CELF2: variants seen among roughly 807,000 people sequenced by gnomAD.
CELF2 encodes the protein CUGBP Elav-like family member 2, also known as CUG triplet repeat RNA-binding protein 2.
A neutral mutation model predicts 62.6 loss-of-function variants in CELF2; 8 were observed. The ratio of observed to expected loss-of-function variants is 0.13; its 90% confidence interval spans 0.07 to 0.23. The LOEUF (loss-of-function observed/expected upper bound fraction) is 0.23, where lower values mean the gene tolerates loss of function less well. CELF2 is among the 10% of genes least tolerant of loss of function. The pLI is 1.00. For synonymous variants in CELF2, 258 were observed against 250.0 expected (o/e 1.03, Z -0.30); for missense variants, 333 against 671.0 (o/e 0.50, Z 5.56).
intron 1 of CELF2, among the ~76,000 whole-genome samples, chr10:11,087,679 A>C (rs1303388296): frequency 6.6e-6 from 1 of 152,214 alleles, no homozygotes; most frequent in Non-Finnish European, 1.5e-5. Flanking sequence ...AGCCTATCAC[A>C]ACAACACATA....
In CELF2 at chr10:11,160,551, GTA is replaced by G. The variant is rs371230069; in HGVS notation, c.75-4933_75-4932del. On this transcript the variant is annotated intron_variant, in intron 1 of 12. Transcript: ENST00000633077. ...AATTCCTTAGTTGCATTAGCCACAT[GTA>G]TCTAGTGGCCACCATATTGGACTGT... is the stretch of plus-strand genomic sequence containing the variant. Among the ~76,000 whole-genome samples, 62 of 149,998 alleles carry G rather than the reference GTA, an allele frequency of 4.1e-4. No individual in the cohort carries two copies. In the East Asian group the frequency reaches 0.011, roughly 26 times the overall value.
chr10:10,662,592 C>T, the CELF2 span, among the ~76,000 whole-genome samples: 2 of 152,244 alleles, frequency 1.3e-5, no homozygotes, highest in East Asian at 3.9e-4. Flanking sequence ...AATTTGTGTG[C>T]CTAAGAAGTC....
rs375181854 is a variant in CELF2, at chr10:11,288,561, G to T, written c.976+9G>T. ...AGCCCTCACGAGTCCCGGTGAGTGT[G>T]GGGGGTGCTCTTCCCTTGCAGGTGA... is the stretch of plus-strand genomic sequence containing the variant. On this transcript the variant is annotated intron_variant, in intron 9 of 12. Coordinates refer to ENST00000633077, the MANE Select transcript of CELF2 (RefSeq NM_001326342.2). 3.7e-6 allele frequency: 6 copies of T among 1,612,892 alleles called. No individual in the cohort carries two copies. Among genetic ancestry groups the T allele is most frequent in the African/African-American group, 2.7e-5 (2 of 74,898 alleles).
the CELF2 span, among the ~76,000 whole-genome samples, chr10:10,737,527 A>G: frequency 6.6e-6 from 1 of 152,092 alleles, no homozygotes; most frequent in Non-Finnish European, 1.5e-5. Context: ...CAATGCCCAT[A>G]CTATGGACAG....
chr10:10,716,190 C>T, the CELF2 span, among the ~76,000 whole-genome samples: 1 of 152,138 alleles, frequency 6.6e-6, no homozygotes, highest in Admixed American at 6.5e-5. Flanking sequence ...TGTTAATATC[C>T]TAAAGACATG....
the CELF2 span, among the ~76,000 whole-genome samples, chr10:10,484,935 G>T: frequency 6.6e-6 from 1 of 152,038 alleles, no homozygotes; most frequent in East Asian, 1.9e-4. Context: ...CCCTTTTGTT[G>T]AATTTCTCTT....
At chr10:11,292,231 G>A (rs2092620713) in intron 9 of CELF2, among the ~76,000 whole-genome samples, 1 of 152,210 alleles carries the variant, frequency 6.6e-6, no homozygotes, top group Non-Finnish European at 1.5e-5. Context: ...CAAGGAAATG[G>A]TGACACTTCC....
chr10:11,158,526 G>C (rs1004066235), intron 1 of CELF2, among the ~76,000 whole-genome samples: 1 of 152,074 alleles, frequency 6.6e-6, no homozygotes, highest in African/African-American at 2.4e-5. Context: ...TGAGTTGCCT[G>C]GGTGAGGGCT....
At chr10:10,685,478 T>G in the CELF2 span, among the ~76,000 whole-genome samples, 1 of 152,202 alleles carries the variant, frequency 6.6e-6, no homozygotes, top group Admixed American at 6.5e-5. Flanking sequence ...TAACTTATAA[T>G]GACAATGGCA....
At chr10:11,090,009 C>T (rs1265048271) in intron 1 of CELF2, among the ~76,000 whole-genome samples, 1 of 151,998 alleles carries the variant, frequency 6.6e-6, no homozygotes, top group Non-Finnish European at 1.5e-5. Flanking sequence ...ACCATAGACA[C>T]CAGGAACTCC....
the CELF2 span, among the ~76,000 whole-genome samples, chr10:10,660,406 T>G: frequency 1.3e-3 from 202 of 152,312 alleles, no homozygotes; most frequent in Non-Finnish European, 2.0e-3. Context: ...GTGTTCACCT[T>G]TCAGCAAGCC....
At chr10:10,563,602 T>C in the CELF2 span, among the ~76,000 whole-genome samples, 1 of 119,510 alleles carries the variant, frequency 8.4e-6, no homozygotes, top group African/African-American at 3.7e-5. Flanking sequence ...AGGGAGACTG[T>C]GTCTCAAAAA....
chr10:10,800,662 A>G (rs1346514597), intron 1 of CELF2, among the ~76,000 whole-genome samples: 1 of 152,166 alleles, frequency 6.6e-6, no homozygotes, highest in African/African-American at 2.4e-5. Flanking sequence ...CATAATGAAC[A>G]TCTTTGTGTA....
the CELF2 span, among the ~76,000 whole-genome samples, chr10:10,543,075 C>T: frequency 6.6e-6 from 1 of 152,120 alleles, no homozygotes; most frequent in Admixed American, 6.5e-5. Flanking sequence ...TACTGGGTTC[C>T]AGCAGGTTTC....
intron 1 of CELF2, among the ~76,000 whole-genome samples, chr10:11,069,835 T>A (rs1053161860): frequency 1.3e-5 from 2 of 152,234 alleles, no homozygotes; most frequent in Non-Finnish European, 2.9e-5. Flanking sequence ...TGCGTTTTGA[T>A]CATGCAGCTA....
intron 2 of CELF2, among the ~76,000 whole-genome samples, chr10:10,994,652 T>A (rs2053765284): frequency 6.6e-6 from 1 of 152,228 alleles, no homozygotes; most frequent in Non-Finnish European, 1.5e-5. Flanking sequence ...ATCTAGGTTG[T>A]ATGCTCCTTA....
At chr10:10,659,161 T>G in the CELF2 span, among the ~76,000 whole-genome samples, 171 of 152,306 alleles carry the variant, frequency 1.1e-3, no homozygotes, top group Middle Eastern at 6.8e-3. Context: ...ATAATAGTGG[T>G]TTTTGCTCCT....
chr10:10,489,238 A>T, the CELF2 span, among the ~76,000 whole-genome samples: 1 of 152,048 alleles, frequency 6.6e-6, no homozygotes, highest in Admixed American at 6.6e-5. Context: ...ATGAAACCTC[A>T]CTTCTCTAAA....
chr10:10,700,048 A>G, the CELF2 span, among the ~76,000 whole-genome samples: 1 of 152,188 alleles, frequency 6.6e-6, no homozygotes, highest in African/African-American at 2.4e-5. Flanking sequence ...AGGTATCTGG[A>G]ATTCCCAGAC....
Sources: gnomAD v4.1 joint callset for allele counts (sites outside exome capture counted in the v4.1 genomes callset) on GRCh38, gnomAD v4.1.1 for gene constraint, MANE v1.5 for transcripts, NCBI Gene and HGNC (gene_info 2026-07-23, HGNC 2026-07-21) for gene names.